The following CNTN1 variants were observed in gnomAD, a reference collection of about 807,000 sequenced individuals.
CNTN1 encodes contactin-1.
A neutral mutation model predicts 126.4 loss-of-function variants in CNTN1; 38 were observed. That is an observed-to-expected ratio of 0.30 (90% CI 0.23 to 0.39). CNTN1 has a LOEUF of 0.39. Among genes scored for constraint, CNTN1 ranks in the 10% least tolerant of loss-of-function variants. The pLI, the probability that CNTN1 is intolerant of heterozygous loss-of-function variation, is 1.00. For synonymous variants in CNTN1, 413 were observed against 422.6 expected, an observed-to-expected ratio of 0.98 and a Z score of 0.28; for missense variants, 1,009 against 1,248.4, an observed-to-expected ratio of 0.81 and a Z score of 2.89.
intron 1 of CNTN1, among the ~76,000 whole-genome samples, chr12:40,888,159 TATA>T (rs890085454): frequency 5.3e-5 from 8 of 151,764 alleles, no homozygotes; most frequent in African/African-American, 1.7e-4. Flanking sequence ...AAACTTAAAG[TATA>T]ATAATAATAA....
At chr12:41,011,256 A>G (rs1044361460) in intron 17 of CNTN1, among the ~76,000 whole-genome samples, 2 of 152,204 alleles carry the variant, frequency 1.3e-5, no homozygotes, top group Non-Finnish European at 2.9e-5. Context: ...TTAGGGAATC[A>G]TTCCCTTTGG....
chr12:41,024,715 A>G (rs1407452771), intron 20 of CNTN1, among the ~76,000 whole-genome samples: 1 of 152,168 alleles, frequency 6.6e-6, no homozygotes, highest in Non-Finnish European at 1.5e-5. Flanking sequence ...CAGCAAAATT[A>G]TATTCCTCTC....
intron 16 of CNTN1, among the ~76,000 whole-genome samples, chr12:40,991,020 G>A (rs73277738): frequency 1.2e-3 from 182 of 152,218 alleles, no homozygotes; most frequent in African/African-American, 4.3e-3. Flanking sequence ...TGCCTTTAAG[G>A]TTCAGTATTA....
chr12:40,918,819 T>C (rs763197975), intron 4 of CNTN1, 48 bp downstream of exon 4: 1 of 1,604,924 alleles, frequency 6.2e-7, no homozygotes, highest in Non-Finnish European at 8.5e-7. Flanking sequence ...AGAGTAATGA[T>C]CACAGATCAG....
At chr12:41,030,367 C>T (rs2120863159) in intron 23 of CNTN1, among the ~76,000 whole-genome samples, 1 of 151,974 alleles carries the variant, frequency 6.6e-6, no homozygotes, top group Admixed American at 6.6e-5. Flanking sequence ...TATATACATC[C>T]TTTACAAATC....
intron 1 of CNTN1, among the ~76,000 whole-genome samples, chr12:40,707,548 A>G (rs892956880): frequency 6.6e-6 from 1 of 151,784 alleles, no homozygotes; most frequent in Non-Finnish European, 1.5e-5. Flanking sequence ...TTTCATTTCT[A>G]TTATCTTTCT....
chr12:41,016,879 T>A lies in CNTN1; in HGVS notation c.2382T>A (p.Pro794=), dbSNP rs1322651697. ...VKAFNNKGDG[P]YSLVAVINSA... ...CCTTCAACAACAAAGGAGATGGACCTTACAGCCTAGTAGCAGTCATTAATT... is the reference window on the plus strand; with the variant it reads ...CCTTCAACAACAAAGGAGATGGACCATACAGCCTAGTAGCAGTCATTAATT... Residue 794 remains proline (P), a synonymous_variant, in exon 19 of 24, where the codon CCT becomes CCA. Coordinates refer to ENST00000551295, the MANE Select transcript of CNTN1 (RefSeq NM_001843.4). 7 of 1,614,008 alleles carry A rather than the reference T, an allele frequency of 4.3e-6. No homozygotes were observed. The highest frequency in any genetic ancestry group is 5.9e-6 in the Non-Finnish European group (7 of 1,179,992).
intron 23 of CNTN1, among the ~76,000 whole-genome samples, chr12:41,052,991 T>C (rs989614959): frequency 6.6e-6 from 1 of 151,878 alleles, no homozygotes; most frequent in Non-Finnish European, 1.5e-5. Context: ...AAAAAGCACT[T>C]ACATATTTAG....
intron 3 of CNTN1, among the ~76,000 whole-genome samples, chr12:40,911,192 T>C (rs1187722024): frequency 4.6e-5 from 7 of 152,174 alleles, no homozygotes; most frequent in Non-Finnish European, 8.8e-5. Context: ...GCCATTCTCC[T>C]GCCTCAGCCT....
At chr12:40,741,914 G>A (rs1937959460) in intron 1 of CNTN1, among the ~76,000 whole-genome samples, 1 of 151,610 alleles carries the variant, frequency 6.6e-6, no homozygotes, top group Non-Finnish European at 1.5e-5. Flanking sequence ...TTGCTATTAT[G>A]TTTTTTTATT....
intron 14 of CNTN1, among the ~76,000 whole-genome samples, chr12:40,955,109 G>C (rs1484001447): frequency 2.6e-5 from 4 of 151,904 alleles, no homozygotes; most frequent in African/African-American, 9.7e-5. Flanking sequence ...AAATCACATG[G>C]TTGGATTTTC....
chr12:40,971,897 T>G, intron 15 of CNTN1: 1 of 1,052,440 alleles, frequency 9.5e-7, no homozygotes, highest in Non-Finnish European at 1.1e-6. Context: ...TACTGTTTGA[T>G]TTATTCAAGC....
At chr12:40,831,390 G>A (rs1043074290) in intron 1 of CNTN1, among the ~76,000 whole-genome samples, 1 of 151,828 alleles carries the variant, frequency 6.6e-6, no homozygotes, top group Admixed American at 6.6e-5. Context: ...TTCCCATAGG[G>A]CACTTCAGTA....
chr12:40,720,141 G>A (rs1017311569), intron 1 of CNTN1, among the ~76,000 whole-genome samples: 12 of 146,166 alleles, frequency 8.2e-5, no homozygotes, highest in Non-Finnish European at 1.5e-4. Flanking sequence ...ATGAGCCACC[G>A]CGCCAAGCCT....
At chr12:40,816,583 C>CA (rs901879055) in intron 1 of CNTN1, among the ~76,000 whole-genome samples, 1 of 150,366 alleles carries the variant, frequency 6.7e-6, no homozygotes, top group African/African-American at 2.4e-5. Flanking sequence ...TTATTTTTTT[C>CA]AAAAAAACAT....
At chr12:40,908,153 C>T (rs1334900905) in intron 1 of CNTN1, among the ~76,000 whole-genome samples, 1 of 152,168 alleles carries the variant, frequency 6.6e-6, no homozygotes, top group African/African-American at 2.4e-5. Flanking sequence ...TTGCATTACA[C>T]GGTGTTTACA....
chr12:40,749,552 A>AG (rs1319509458), intron 1 of CNTN1, among the ~76,000 whole-genome samples: 120 of 144,040 alleles, frequency 8.3e-4, no homozygotes, highest in Middle Eastern at 7.6e-3. Context: ...GGGTGAGGTC[A>AG]TAAAGAAAAT....
chr12:40,860,396 T>G (rs980589954), intron 1 of CNTN1, among the ~76,000 whole-genome samples: 7 of 152,158 alleles, frequency 4.6e-5, no homozygotes, highest in African/African-American at 1.7e-4. Context: ...TTCAATTCAA[T>G]TGTGCCTTTA....
intron 1 of CNTN1, among the ~76,000 whole-genome samples, chr12:40,740,895 T>C (rs1199315026): frequency 4.6e-5 from 7 of 152,092 alleles, no homozygotes; most frequent in Non-Finnish European, 1.0e-4. Context: ...CCACCCTGAT[T>C]GTGAGGCCTC....
Sources: gnomAD v4.1 joint callset for allele counts (sites outside exome capture counted in the v4.1 genomes callset) on GRCh38, gnomAD v4.1.1 for gene constraint, MANE v1.5 for transcripts, NCBI Gene and HGNC (gene_info 2026-07-23, HGNC 2026-07-21) for gene names.